The following CTDSP2 variants were observed in gnomAD, a reference collection of about 807,000 sequenced individuals.
CTDSP2 encodes the protein carboxy-terminal domain RNA polymerase II polypeptide A small phosphatase 2.
In CTDSP2, 9 loss-of-function variants were observed where a neutral mutation model predicts 31.6. The ratio of observed to expected loss-of-function variants is 0.28; its 90% CI spans 0.17 to 0.50. The LOEUF (loss-of-function observed/expected upper bound fraction) is 0.50. Ranked by LOEUF, CTDSP2 falls within the 20% of genes least tolerant of loss-of-function variation. The pLI is 0.98. For missense variants in CTDSP2, 267 were observed against 348.5 expected (o/e 0.77, Z 1.86); for synonymous variants, 134 against 134.5 (o/e 1.00, Z 0.03).
At chr12:57,836,889 TTTC>T (rs955679039) in intron 1 of CTDSP2, among the ~76,000 whole-genome samples, 1 of 152,216 alleles carries the variant, frequency 6.6e-6, no homozygotes, top group African/African-American at 2.4e-5. Context: ...AGAAAGTTGC[TTTC>T]TTTTTTGGTT....
chr12:57,833,025 T>C (rs1956226174), intron 1 of CTDSP2, among the ~76,000 whole-genome samples: 1 of 151,894 alleles, frequency 6.6e-6, no homozygotes, highest in Non-Finnish European at 1.5e-5. Context: ...TGGTTTATGG[T>C]TTCTTCATGC....
At chr12:57,829,619 G>A in intron 1 of CTDSP2, 23 bp from the exon 2 acceptor site, 1 of 1,610,554 alleles carries the variant, frequency 6.2e-7, no homozygotes, top group Non-Finnish European at 8.5e-7. Context: ...GAATGACAGA[G>A]GCTTTAGCTC....
At chr12:57,831,338 AG>A (rs1311576677) in intron 1 of CTDSP2, among the ~76,000 whole-genome samples, 1 of 151,982 alleles carries the variant, frequency 6.6e-6, no homozygotes, top group Non-Finnish European at 1.5e-5. Context: ...TTGTAATCCC[AG>A]CCACTTGGGA....
rs1414840785 is a variant in CTDSP2, at chr12:57,846,612, A to G, written c.-177T>C. ...GACCGGGAAGGGAGGCGGCCTGTAC[A>G]AAGGGCGGGCGGCCCGGGCAGCGGC... is the stretch of plus-strand genomic sequence containing the variant. On this transcript the variant is annotated 5_prime_UTR_variant, in exon 1 of 8. Transcript: ENST00000398073. 1 of 522,202 alleles carries G rather than the reference A, an allele frequency of 1.9e-6. No individual in the cohort carries two copies. The highest frequency in any genetic ancestry group is 3.2e-6 in the Non-Finnish European group (1 of 316,616). The allele number at this position is 522,202 out of a possible 1,614,324, so 32.3% of individuals were successfully genotyped here. A position where few individuals can be genotyped will look rare whatever the true frequency, so the allele number is the denominator to read the frequency against.
intron 1 of CTDSP2, among the ~76,000 whole-genome samples, chr12:57,830,253 CG>C (rs530905335): frequency 4.9e-4 from 75 of 152,170 alleles, no homozygotes; most frequent in African/African-American, 1.7e-3. Flanking sequence ...GGTGAGGTGG[CG>C]GGTGCTTGTA....
At chr12:57,834,006 G>A (rs1956231850) in intron 1 of CTDSP2, among the ~76,000 whole-genome samples, 1 of 152,168 alleles carries the variant, frequency 6.6e-6, no homozygotes, top group Non-Finnish European at 1.5e-5. Flanking sequence ...CCTGGCTCAC[G>A]GTCATGCAGG....
intron 1 of CTDSP2, among the ~76,000 whole-genome samples, chr12:57,832,582 A>C (rs1209468542): frequency 6.6e-6 from 1 of 152,120 alleles, no homozygotes; most frequent in Non-Finnish European, 1.5e-5. Context: ...GCCTGAGGTC[A>C]GGAGTTCGAG....
Position 57,846,449 on chromosome 12 carries a change from G to A in CTDSP2, c.-14C>T. ...GCCGTGTTCCATCTAACAATCCCGC[G>A]GGCCCGGGCTGGCTGGGCGGGAGGA... On this transcript the variant is annotated 5_prime_UTR_variant, in exon 1 of 8. Coordinates refer to ENST00000398073, the MANE Select transcript of CTDSP2 (RefSeq NM_005730.4). 1.3e-6 allele frequency: 2 copies of A among 1,579,518 alleles called. No individual in the cohort carries two copies. The highest frequency in any genetic ancestry group is 1.7e-6 in the Non-Finnish European group (2 of 1,164,140).
Position 57,839,456 on chromosome 12 carries a change from A to C in CTDSP2, c.64+6916T>G, listed in dbSNP as rs184138398. Among the ~76,000 whole-genome samples the C allele has an allele frequency of 9.3e-4, 141 of 152,304 alleles. 1 individual carries two copies. In the East Asian group the frequency reaches 0.011, roughly 12 times the overall value. On this transcript the variant is annotated intron_variant, in intron 1 of 7. Coordinates refer to ENST00000398073, the MANE Select transcript of CTDSP2 (RefSeq NM_005730.4). ...ATGTTAGGCCGGGCACGGTGGCTCA[A>C]GCCTGTAATCCCAGCACTTTGGGAG...
At chr12:57,828,824 G>A (rs111725665) in intron 2 of CTDSP2, among the ~76,000 whole-genome samples, 78 of 152,346 alleles carry the variant, frequency 5.1e-4, no homozygotes, top group South Asian at 1.7e-3. Context: ...TTTGTTGGTC[G>A]GGGCTGGCCC....
chr12:57,829,284 G>T (rs1307007598), intron 2 of CTDSP2, among the ~76,000 whole-genome samples, 164 bp downstream of exon 2: 1 of 152,206 alleles, frequency 6.6e-6, no homozygotes, highest in African/African-American at 2.4e-5. Flanking sequence ...GGAAGGAACA[G>T]AAAGGAAATA....
At chr12:57,835,508 C>A (rs2140480631) in intron 1 of CTDSP2, among the ~76,000 whole-genome samples, 1 of 152,312 alleles carries the variant, frequency 6.6e-6, no homozygotes, top group East Asian at 1.9e-4. Flanking sequence ...GGGCAGGACT[C>A]CAGCGGATGC....
chr12:57,840,516 G>C (rs1376107256), intron 1 of CTDSP2, among the ~76,000 whole-genome samples: 1 of 152,188 alleles, frequency 6.6e-6, no homozygotes, highest in African/African-American at 2.4e-5. Flanking sequence ...CTGTGAAAGA[G>C]GGGTCCTAGC....
At position 57,822,458 on chromosome 12, in the gene CTDSP2, G is replaced by A. The variant is rs1245068713; in HGVS notation, c.*1144C>T. The stretch of plus-strand genomic sequence containing the variant: ...AGTTCTGAGGCCCTTAAGAGGAAAA[G>A]CAACAGCCAGGAAGGATGAAGGCTG... On this transcript the variant is annotated 3_prime_UTR_variant, in exon 8 of 8. Coordinates refer to ENST00000398073, the MANE Select transcript of CTDSP2 (RefSeq NM_005730.4). The A allele has an allele frequency of 6.6e-6, 1 of 152,350 alleles. No homozygotes were observed. The highest frequency in any genetic ancestry group is 2.1e-4 in the South Asian group (1 of 4,832). The allele number at this position is 152,350 out of a possible 1,614,324, so 9.4% of individuals were successfully genotyped here. A position where few individuals can be genotyped will look rare whatever the true frequency, so the allele number is the denominator to read the frequency against.
At chr12:57,824,800 G>C in intron 5 of CTDSP2, 1 of 410,166 alleles carries the variant, frequency 2.4e-6, no homozygotes. Flanking sequence ...AATGACCATA[G>C]ACTAGACAGA....
chr12:57,824,887 T>A lies in CTDSP2; in HGVS notation c.412-568A>T, dbSNP rs111589440. On this transcript the variant is annotated intron_variant, in intron 5 of 7. Transcript: ENST00000398073. ...CACCACTAACACCTTTGTCCACCCT[T>A]ACGATCTTGCACATTTTGGGAAGTC... is the stretch of plus-strand genomic sequence containing the variant. Among the ~76,000 whole-genome samples the A allele has an allele frequency of 1.6e-3, 237 of 152,276 alleles. 1 individual carries two copies. Among genetic ancestry groups the A allele is most frequent in the African/African-American group, 5.4e-3 (225 of 41,550 alleles).
At chr12:57,835,220 T>C (rs10877025) in intron 1 of CTDSP2, among the ~76,000 whole-genome samples, 42,757 of 150,096 alleles carry the variant, frequency 0.28, 7,805 homozygotes, top group East Asian at 0.74. Context: ...CCCTGCTACT[T>C]GGGAAGCTGA....
intron 2 of CTDSP2, among the ~76,000 whole-genome samples, chr12:57,828,041 G>T (rs1277575052): frequency 6.6e-6 from 1 of 152,170 alleles, no homozygotes; most frequent in Non-Finnish European, 1.5e-5. Context: ...AAAACATCAA[G>T]TAAGCCACAT....
chr12:57,839,982 T>C (rs551166326), intron 1 of CTDSP2, among the ~76,000 whole-genome samples: 69 of 152,158 alleles, frequency 4.5e-4, no homozygotes, highest in African/African-American at 1.6e-3. Context: ...GGATGGATCA[T>C]TACTCTGTCC....
Sources: allele counts gnomAD v4.1 joint callset (sites outside exome capture counted in the v4.1 genomes callset), GRCh38; gene constraint gnomAD v4.1.1; transcripts MANE v1.5; gene names NCBI Gene and HGNC (gene_info 2026-07-23, HGNC 2026-07-21).